Variants in SYNPO2 observed in about 807,000 individuals in gnomAD.
The protein encoded by SYNPO2 is synaptopodin 2.
Under a neutral mutation model 85.0 loss-of-function variants are expected in SYNPO2, and 56 were observed. The observed-to-expected ratio is 0.66, with a 90% confidence interval of 0.53 to 0.82. The LOEUF is 0.82. SYNPO2 is among the 40% of genes least tolerant of loss of function. The pLI is 0.00. For synonymous variants in SYNPO2, 602 were observed against 591.1 expected (o/e 1.02, Z -0.27); for missense variants, 1,575 against 1,534.2 (o/e 1.03, Z -0.44).
intron 1 of SYNPO2, among the ~76,000 whole-genome samples, chr4:118,947,786 G>A (rs1036360282): frequency 3.3e-5 from 5 of 152,144 alleles, no homozygotes; most frequent in African/African-American, 1.2e-4. Context: ...GTGTGTTTGT[G>A]TCTATATAAT....
intron 1 of SYNPO2, among the ~76,000 whole-genome samples, chr4:118,867,769 T>C (rs913630753): frequency 3.3e-5 from 5 of 152,110 alleles, no homozygotes; most frequent in Non-Finnish European, 5.9e-5. Flanking sequence ...GTTTTTCAAA[T>C]GAACACTATT....
At chr4:119,051,715 G>A (rs1739057261) in intron 4 of SYNPO2, among the ~76,000 whole-genome samples, 2 of 152,178 alleles carry the variant, frequency 1.3e-5, no homozygotes, top group Admixed American at 6.5e-5. Flanking sequence ...AAGAAAAATA[G>A]GAGAGAGGGA....
At chr4:118,905,954 AT>A (rs1191595229) in intron 1 of SYNPO2, among the ~76,000 whole-genome samples, 1 of 152,138 alleles carries the variant, frequency 6.6e-6, no homozygotes, top group Non-Finnish European at 1.5e-5. Context: ...AATGATTTGC[AT>A]TTTTTTGCAC....
chr4:118,908,462 A>T (rs1301107669), intron 1 of SYNPO2, among the ~76,000 whole-genome samples: 1 of 152,158 alleles, frequency 6.6e-6, no homozygotes, highest in Non-Finnish European at 1.5e-5. Flanking sequence ...AAAATTTTTG[A>T]TAGAAGAAAA....
chr4:118,918,340 CA>C, intron 1 of SYNPO2, among the ~76,000 whole-genome samples: 1 of 152,030 alleles, frequency 6.6e-6, no homozygotes, highest in South Asian at 2.1e-4. Flanking sequence ...ATATGAAAAA[CA>C]TTAAACAAAC....
rs866080862 is a variant in SYNPO2, at chr4:118,878,316, T to C, written c.12+27376T>C. 9.2e-5 allele frequency among the ~76,000 whole-genome samples: 14 copies of C among 152,148 alleles called. No individual in the cohort carries two copies. In the South Asian group the frequency reaches 2.1e-3, roughly 23 times the overall value. On this transcript the variant is annotated intron_variant, in intron 1 of 4. Coordinates refer to the SYNPO2 transcript ENST00000610556. ...AAATCCCTATGATACGCAATTTACCTGTAAAACAAACTTGCACATGTACCC... is the reference window on the plus strand; with the variant it reads ...AAATCCCTATGATACGCAATTTACCCGTAAAACAAACTTGCACATGTACCC...
At chr4:118,990,020 A>G (rs1352127847) in intron 1 of SYNPO2, among the ~76,000 whole-genome samples, 2 of 152,254 alleles carry the variant, frequency 1.3e-5, no homozygotes, top group African/African-American at 2.4e-5. Flanking sequence ...GTAAACAGAT[A>G]CATTAAAACA....
Position 118,888,964 on chromosome 4 carries a change from T to G in SYNPO2, c.-73T>G, listed in dbSNP as rs1227177604. On this transcript the variant is annotated 5_prime_UTR_variant, in exon 1 of 5. Coordinates refer to ENST00000307142, the MANE Select transcript of SYNPO2 (RefSeq NM_133477.3). ...TCCTCGGCAGGCGCCCGAAGCTGAG[T>G]GCGCATCCTCTACCGCACCCAAGCT... 4.8e-6 allele frequency: 7 copies of G among 1,468,470 alleles called. No individual in the cohort carries two copies. Among genetic ancestry groups the G allele is most frequent in the Non-Finnish European group, 3.8e-6 (4 of 1,051,566 alleles). 91.0% of individuals were successfully genotyped at this position (1,468,470 alleles called of 1,614,324 possible). A position where few individuals can be genotyped will look rare whatever the true frequency, so the allele number is the denominator to read the frequency against.
At chr4:118,983,461 A>G (rs1407024678) in intron 1 of SYNPO2, among the ~76,000 whole-genome samples, 1 of 152,186 alleles carries the variant, frequency 6.6e-6, no homozygotes, top group African/African-American at 2.4e-5. Flanking sequence ...ACTCATCTCC[A>G]GGTGGCTCAA....
At chr4:118,911,117 T>A (rs1428039556) in intron 1 of SYNPO2, among the ~76,000 whole-genome samples, 1 of 152,204 alleles carries the variant, frequency 6.6e-6, no homozygotes, top group East Asian at 1.9e-4. Context: ...ATCTAAGAGA[T>A]CTATCCTGGA....
chr4:119,015,388 A>G (rs1480910322), intron 1 of SYNPO2, among the ~76,000 whole-genome samples: 3 of 152,242 alleles, frequency 2.0e-5, no homozygotes, highest in Non-Finnish European at 2.9e-5. Context: ...TGAGAAAACT[A>G]GAAGAATAAA....
chr4:118,988,825 C>T (rs1242826792), intron 1 of SYNPO2, among the ~76,000 whole-genome samples: 2 of 152,122 alleles, frequency 1.3e-5, no homozygotes, highest in East Asian at 3.9e-4. Flanking sequence ...GCCAAGGAGC[C>T]TCCACAGGAA....
At position 119,023,495 on chromosome 4, in the gene SYNPO2, T is replaced by C; in HGVS notation, c.171T>C (p.Asn57=). The change falls in exon 2 of 5, where the codon AAT becomes AAC. Residue 57 remains asparagine (N), a synonymous_variant. Transcript: ENST00000307142. ...LCEGDEVVSI[N]GNPCADLTYP... ...AGGGAGATGAAGTGGTTTCCATCAA[T>C]GGCAACCCTTGTGCAGATCTCACCT... 6.2e-7 allele frequency: 1 copy of C among 1,614,056 alleles called. No homozygotes were observed. The highest frequency in any genetic ancestry group is 8.5e-7 in the Non-Finnish European group (1 of 1,179,932).
chr4:118,926,007 C>T (rs986890272), intron 1 of SYNPO2, among the ~76,000 whole-genome samples: 1 of 152,068 alleles, frequency 6.6e-6, no homozygotes, highest in Non-Finnish European at 1.5e-5. Flanking sequence ...AAAATGTGCA[C>T]AGTAGTCGGT....
At chr4:118,930,111 T>A (rs571619775) in intron 1 of SYNPO2, among the ~76,000 whole-genome samples, 20 of 152,314 alleles carry the variant, frequency 1.3e-4, no homozygotes, top group Admixed American at 7.2e-4. Flanking sequence ...GTGCCATATA[T>A]GTTAGCAATA....
intron 1 of SYNPO2, among the ~76,000 whole-genome samples, chr4:118,949,641 C>T (rs1366247241): frequency 2.6e-5 from 4 of 151,608 alleles, no homozygotes; most frequent in African/African-American, 7.3e-5. Context: ...CCCAGCTACT[C>T]GGGAGGCTGA....
chr4:118,908,009 C>T (rs746098488), intron 1 of SYNPO2, among the ~76,000 whole-genome samples: 13 of 151,988 alleles, frequency 8.6e-5, no homozygotes, highest in African/African-American at 1.4e-4. Flanking sequence ...ATAGATTGAC[C>T]GTTATTGACT....
chr4:118,982,956 A>G (rs977204140), intron 1 of SYNPO2, among the ~76,000 whole-genome samples: 2 of 129,254 alleles, frequency 1.5e-5, no homozygotes, highest in Non-Finnish European at 3.7e-5. Flanking sequence ...AGCTACTCAG[A>G]TGAGTAGCTT....
At chr4:119,035,986 G>C (rs1051303063) in intron 4 of SYNPO2, 2 of 985,282 alleles carry the variant, frequency 2.0e-6, no homozygotes, top group Non-Finnish European at 2.4e-6. Context: ...ACCCTCCTAA[G>C]AGCAGAAGAC....
Sources: gnomAD v4.1 joint callset for allele counts (sites outside exome capture counted in the v4.1 genomes callset) on GRCh38, gnomAD v4.1.1 for gene constraint, MANE v1.5 for transcripts, NCBI Gene and HGNC (gene_info 2026-07-23, HGNC 2026-07-21) for gene names.